The following GRIA2 variants were observed in gnomAD, a reference collection of about 807,000 sequenced individuals.
GRIA2 encodes the protein glutamate ionotropic receptor AMPA type subunit 2.
A neutral mutation model predicts 97.3 loss-of-function variants in GRIA2; 14 were observed. That is an observed-to-expected ratio of 0.14 (90% CI 0.10 to 0.23). The LOEUF (loss-of-function observed/expected upper bound fraction) is 0.23. GRIA2 is among the 10% of genes least tolerant of loss of function. GRIA2 has a pLI of 1.00. For synonymous variants in GRIA2, 412 were observed against 387.8 expected, an observed-to-expected ratio of 1.06 and a Z score of -0.73; for missense variants, 558 against 1,069.8, an observed-to-expected ratio of 0.52 and a Z score of 6.67.
In GRIA2 at chr4:157,316,602, A is replaced by G. The variant is rs556433507; in HGVS notation, c.667-1056A>G. On this transcript the variant is annotated intron_variant, in intron 4 of 15. Coordinates refer to ENST00000264426, the MANE Select transcript of GRIA2 (RefSeq NM_001083619.3). The stretch of plus-strand genomic sequence containing the variant: ...AGGAAGCAAAATGTGTGAAGCCCTA[A>G]GGTGATGAGAAGAAGCTTCCCTGTG... Among the ~76,000 whole-genome samples the G allele has an allele frequency of 3.3e-5, 5 of 152,216 alleles. No individual in the cohort carries two copies. The South Asian group carries it at 6.2e-4, about 19-fold the overall frequency.
chr4:157,271,675 G>A (rs564908353), intron 2 of GRIA2, among the ~76,000 whole-genome samples: 17 of 152,140 alleles, frequency 1.1e-4, no homozygotes, highest in African/African-American at 3.1e-4. Context: ...ATTGGTGATC[G>A]ACTTAGTCTT....
chr4:157,268,234 A>G (rs903278823), intron 2 of GRIA2, among the ~76,000 whole-genome samples: 1 of 152,078 alleles, frequency 6.6e-6, no homozygotes, highest in Non-Finnish European at 1.5e-5. Flanking sequence ...GTCTTACATG[A>G]CACAGATAAC....
At chr4:157,319,771 G>A (rs545134722) in intron 5 of GRIA2, among the ~76,000 whole-genome samples, 2 of 152,156 alleles carry the variant, frequency 1.3e-5, no homozygotes, top group South Asian at 4.1e-4. Context: ...TAATATTATT[G>A]ATTAATTTCC....
At chr4:157,339,137 C>G (rs1735436084) in intron 11 of GRIA2, among the ~76,000 whole-genome samples, 1 of 151,792 alleles carries the variant, frequency 6.6e-6, no homozygotes. Context: ...AGAATAGAAT[C>G]ACAGAAATTA....
At chr4:157,354,466 A>G (rs1190257544) in intron 12 of GRIA2, among the ~76,000 whole-genome samples, 1 of 152,182 alleles carries the variant, frequency 6.6e-6, no homozygotes, top group Non-Finnish European at 1.5e-5. Context: ...TCTGTGAATT[A>G]TTAGTTGGAC....
intron 6 of GRIA2, among the ~76,000 whole-genome samples, chr4:157,325,223 A>C (rs1452137506): frequency 6.6e-6 from 1 of 152,194 alleles, no homozygotes; most frequent in Non-Finnish European, 1.5e-5. Context: ...TCAGTAAATA[A>C]AAATAAAATG....
chr4:157,230,483 C>G (rs1038801036), intron 2 of GRIA2, among the ~76,000 whole-genome samples: 14 of 152,010 alleles, frequency 9.2e-5, no homozygotes, highest in Admixed American at 9.2e-4. Context: ...ATTTGCAACT[C>G]GAAATTAATT....
chr4:157,301,430 C>G (rs979334526), intron 2 of GRIA2, among the ~76,000 whole-genome samples: 5 of 152,044 alleles, frequency 3.3e-5, no homozygotes, highest in African/African-American at 9.7e-5. Context: ...TAATGAAATG[C>G]ATTCAGTTGC....
chr4:157,352,718 TAAAAAAAAAA>T (rs571562254), intron 12 of GRIA2, among the ~76,000 whole-genome samples: 4 of 92,714 alleles, frequency 4.3e-5, no homozygotes, highest in African/African-American at 1.8e-4. Context: ...AGACTCCATC[TAAAAAAAAAA>T]AAAAAAAAAA....
At chr4:157,220,381 G>C (rs1445709138), upstream of GRIA2, 1 of 152,236 alleles carries the variant, frequency 6.6e-6, no homozygotes, top group African/African-American at 2.4e-5. Context: ...CTCCGGGCGG[G>C]GAGCGAGGCG....
intron 2 of GRIA2, among the ~76,000 whole-genome samples, chr4:157,301,874 T>C (rs2126862000): frequency 6.6e-6 from 1 of 152,188 alleles, no homozygotes; most frequent in South Asian, 2.1e-4. Context: ...GCTATTTATC[T>C]ATTTAAAGCC....
chr4:157,294,150 G>A (rs1733232076), intron 2 of GRIA2, among the ~76,000 whole-genome samples: 1 of 150,730 alleles, frequency 6.6e-6, no homozygotes, highest in African/African-American at 2.4e-5. Context: ...TGTTATACAA[G>A]CTAATTTGAG....
chr4:157,355,089 G>T (rs1389269588), intron 12 of GRIA2, among the ~76,000 whole-genome samples: 1 of 151,968 alleles, frequency 6.6e-6, no homozygotes, highest in Non-Finnish European at 1.5e-5. Flanking sequence ...TTGAGTGAGG[G>T]GCTTTTATCA....
At chr4:157,264,727 C>G (rs1050958742) in intron 2 of GRIA2, among the ~76,000 whole-genome samples, 1 of 152,030 alleles carries the variant, frequency 6.6e-6, no homozygotes, top group East Asian at 1.9e-4. Context: ...ATCAGGAAAG[C>G]AGGTTGCTAG....
chr4:157,339,887 AG>A (rs1271871496), intron 11 of GRIA2, among the ~76,000 whole-genome samples: 1 of 151,890 alleles, frequency 6.6e-6, no homozygotes, highest in African/African-American at 2.4e-5. Flanking sequence ...TATCCTTTTC[AG>A]AATATATGTG....
chr4:157,226,646 A>T (rs1729759717), intron 2 of GRIA2, among the ~76,000 whole-genome samples: 1 of 152,056 alleles, frequency 6.6e-6, no homozygotes, highest in South Asian at 2.1e-4. Context: ...TTGCACTTGG[A>T]TGAATGGACT....
intron 3 of GRIA2, among the ~76,000 whole-genome samples, chr4:157,308,303 C>G (rs1005711668): frequency 3.3e-5 from 5 of 152,266 alleles, no homozygotes; most frequent in Admixed American, 6.5e-5. Context: ...GGTTATACAA[C>G]TACAACCAGT....
At chr4:157,355,901 A>ATATATATATATT (rs1560781006) in intron 12 of GRIA2, among the ~76,000 whole-genome samples, 1 of 2,674 alleles carries the variant, frequency 3.7e-4, no homozygotes, top group Non-Finnish European at 1.8e-3. Context: ...ATTTATATAT[A>ATATATATATATT]AATATATATA....
chr4:157,284,205 G>A (rs1444824782), intron 2 of GRIA2, among the ~76,000 whole-genome samples: 1 of 151,648 alleles, frequency 6.6e-6, no homozygotes, highest in Non-Finnish European at 1.5e-5. Flanking sequence ...GGGGGAACTG[G>A]GTCAGCTAGT....
Sources: gnomAD v4.1 joint callset for allele counts (sites outside exome capture counted in the v4.1 genomes callset) on GRCh38, gnomAD v4.1.1 for gene constraint, MANE v1.5 for transcripts, NCBI Gene and HGNC (gene_info 2026-07-23, HGNC 2026-07-21) for gene names.